TBX20: variants seen among roughly 807,000 people sequenced by gnomAD.
TBX20 encodes the protein T-box transcription factor 20.
In TBX20, 8 loss-of-function variants were observed where a neutral mutation model predicts 42.9. That is an observed-to-expected ratio of 0.19 (90% CI 0.11 to 0.34). The LOEUF is 0.34. Among genes scored for constraint, TBX20 ranks in the 10% least tolerant of loss-of-function variants. The pLI is 1.00. For missense variants in TBX20, 411 were observed against 566.0 expected, an observed-to-expected ratio of 0.73 and a Z score of 2.78; for synonymous variants, 198 against 222.8, an observed-to-expected ratio of 0.89 and a Z score of 0.99.
intron 6 of TBX20, among the ~76,000 whole-genome samples, chr7:35,210,845 C>G (rs976674644): frequency 7.9e-5 from 12 of 152,148 alleles, no homozygotes; most frequent in Non-Finnish European, 1.3e-4. Flanking sequence ...TTCAAACTGA[C>G]AATCTCTGCT....
In TBX20 at chr7:35,242,679, C is replaced by G. The variant is rs1377426498; in HGVS notation, c.655-1642G>C. On this transcript the variant is annotated intron_variant, in intron 4 of 7. Transcript: ENST00000408931. The stretch of plus-strand genomic sequence containing the variant: ...GGTTAATTTCCTTTGGGAAAGGTTA[C>G]TGGACAGACTCAGACCCCAGACTGA... 3.3e-5 allele frequency among the ~76,000 whole-genome samples: 5 copies of G among 152,156 alleles called. No homozygotes were observed. The East Asian group carries it at 5.8e-4, about 18-fold the overall frequency.
chr7:35,243,933 C>T (rs905939124), intron 4 of TBX20, among the ~76,000 whole-genome samples: 2 of 152,142 alleles, frequency 1.3e-5, no homozygotes, highest in African/African-American at 4.8e-5. Context: ...AGGTTTAATC[C>T]AACCATATGA....
At chr7:35,239,265 C>T (rs1790028348) in intron 5 of TBX20, among the ~76,000 whole-genome samples, 1 of 152,150 alleles carries the variant, frequency 6.6e-6, no homozygotes, top group African/African-American at 2.4e-5. Flanking sequence ...CCGAGGGTCT[C>T]CACACCACCT....
Position 35,253,656 on chromosome 7 carries a change from C to T in TBX20, c.-36G>A, listed in dbSNP as rs779039110. The T allele has an allele frequency of 1.0e-5, 16 of 1,601,644 alleles. No individual in the cohort carries two copies. The highest frequency in any genetic ancestry group is 1.7e-5 in the Admixed American group (1 of 59,142). On this transcript the variant is annotated 5_prime_UTR_variant, in exon 1 of 8. Coordinates refer to ENST00000408931, the MANE Select transcript of TBX20 (RefSeq NM_001077653.2). Reference sequence around the variant, plus strand: ...ACGCGGTCCTGGCCAGGGACGGGGTCGTCCGAACTGCCGTCCAGATTCCCC... The same window carrying T: ...ACGCGGTCCTGGCCAGGGACGGGGTTGTCCGAACTGCCGTCCAGATTCCCC...
intron 1 of TBX20, among the ~76,000 whole-genome samples, chr7:35,250,670 G>A (rs1326135331): frequency 6.6e-6 from 1 of 152,174 alleles, no homozygotes; most frequent in East Asian, 1.9e-4. Flanking sequence ...CACCTGGAGA[G>A]GAACTTTCCT....
At position 35,249,829 on chromosome 7, in the gene TBX20, G is replaced by T; in HGVS notation, c.380+122C>A. The T allele has an allele frequency of 8.8e-7, 1 of 1,141,918 alleles. No individual in the cohort carries two copies. The highest frequency in any genetic ancestry group is 1.2e-6 in the Non-Finnish European group (1 of 808,370). The allele number at this position is 1,141,918 out of a possible 1,614,324, so 70.7% of individuals were successfully genotyped here. A position where few individuals can be genotyped will look rare whatever the true frequency, so the allele number is the denominator to read the frequency against. On this transcript the variant is annotated intron_variant, in intron 2 of 7. Coordinates refer to ENST00000408931, the MANE Select transcript of TBX20 (RefSeq NM_001077653.2). This position sits in a 1 kb window ranked among gnomAD's most constrained non-coding sequence, Gnocchi z 4.3. Reference sequence around the variant, plus strand: ...GCTGGTGGAAAGCAGCTGCCCTGGAGCCAAGCTGTCTCTCCGCTCCATGAC... The same window carrying T: ...GCTGGTGGAAAGCAGCTGCCCTGGATCCAAGCTGTCTCTCCGCTCCATGAC...
At chr7:35,240,010 G>A (rs796517328) in intron 5 of TBX20, among the ~76,000 whole-genome samples, 6 of 151,908 alleles carry the variant, frequency 3.9e-5, no homozygotes, top group South Asian at 2.1e-4. Context: ...CTGGCCTCCC[G>A]AAGTGCTGGG....
intron 6 of TBX20, among the ~76,000 whole-genome samples, chr7:35,228,088 A>G (rs1279182183): frequency 2.3e-5 from 2 of 88,426 alleles, no homozygotes; most frequent in Non-Finnish European, 4.5e-5. Flanking sequence ...TAAAAATAAT[A>G]CTATGATAAA....
chr7:35,225,620 A>T (rs1374404006), intron 6 of TBX20, among the ~76,000 whole-genome samples: 1 of 152,220 alleles, frequency 6.6e-6, no homozygotes, highest in East Asian at 1.9e-4. Flanking sequence ...AACACAGGAG[A>T]TTTCAGAAAG....
At chr7:35,245,349 T>TGTGTGTGTG (rs1554287409) in intron 3 of TBX20, among the ~76,000 whole-genome samples, 3 of 151,400 alleles carry the variant, frequency 2.0e-5, no homozygotes, top group African/African-American at 7.3e-5. Context: ...TGTGTGTGTG[T>TGTGTGTGTG]TTTCATCTAT....
intron 3 of TBX20, 42 bp downstream of exon 3, chr7:35,248,635 T>A: frequency 6.2e-7 from 1 of 1,603,760 alleles, no homozygotes; most frequent in South Asian, 1.1e-5. Flanking sequence ...TTCTGACAGA[T>A]GCACTAACAG....
rs902528203 is a variant in TBX20, at chr7:35,253,886, C to T, written c.-266G>A. 9 of 472,998 alleles carry T rather than the reference C, an allele frequency of 1.9e-5. No individual in the cohort carries two copies. Among genetic ancestry groups the T allele is most frequent in the African/African-American group, 1.8e-4 (9 of 50,958 alleles). 29.3% of individuals were successfully genotyped at this position (472,998 alleles called of 1,614,324 possible). A position where few individuals can be genotyped will look rare whatever the true frequency, so the allele number is the denominator to read the frequency against. Reference sequence around the variant, plus strand: ...AGCACTACGGCGGGTGCGCACGCCCCGGGGCGCTCGGCAGGACGACAGTCT... The same window carrying T: ...AGCACTACGGCGGGTGCGCACGCCCTGGGGCGCTCGGCAGGACGACAGTCT... On this transcript the variant is annotated 5_prime_UTR_variant, in exon 1 of 8. Coordinates refer to ENST00000408931, the MANE Select transcript of TBX20 (RefSeq NM_001077653.2).
At chr7:35,237,975 G>C (rs1368587022) in intron 5 of TBX20, among the ~76,000 whole-genome samples, 1 of 152,078 alleles carries the variant, frequency 6.6e-6, no homozygotes, top group Non-Finnish European at 1.5e-5. Flanking sequence ...GGGAACAGCA[G>C]GCACTCACAG....
At chr7:35,237,814 GATC>G (rs1163591741) in intron 5 of TBX20, among the ~76,000 whole-genome samples, 2 of 151,990 alleles carry the variant, frequency 1.3e-5, no homozygotes, top group Non-Finnish European at 2.9e-5. Flanking sequence ...TGTTAAGGAT[GATC>G]ATCATCGTGT....
At chr7:35,231,724 T>C in intron 5 of TBX20, 144 bp from the exon 6 acceptor site, 1 of 683,984 alleles carries the variant, frequency 1.5e-6, no homozygotes, top group Admixed American at 2.1e-5. Context: ...GCTACACATG[T>C]TCACAAGAGG....
chr7:35,244,831 A>G (rs2128715224), intron 4 of TBX20, 118 bp downstream of exon 4: 1 of 736,088 alleles, frequency 1.4e-6, no homozygotes, highest in Middle Eastern at 2.8e-4. Context: ...AAAATGACTC[A>G]GAGATAGAAG....
At chr7:35,241,454 TAA>T (rs1416635296) in intron 4 of TBX20, among the ~76,000 whole-genome samples, 1 of 151,846 alleles carries the variant, frequency 6.6e-6, no homozygotes, top group Non-Finnish European at 1.5e-5. Flanking sequence ...GAGAAAAAAA[TAA>T]AAGAGTTTAG....
chr7:35,224,059 A>G (rs1789728633), intron 6 of TBX20, among the ~76,000 whole-genome samples: 2 of 152,218 alleles, frequency 1.3e-5, no homozygotes, highest in Non-Finnish European at 1.5e-5. Flanking sequence ...ACATTAACAT[A>G]TATTTGACCA....
chr7:35,217,459 A>G (rs1000578403), intron 6 of TBX20, among the ~76,000 whole-genome samples: 1 of 152,208 alleles, frequency 6.6e-6, no homozygotes, highest in African/African-American at 2.4e-5. Context: ...ACCGTAAGTT[A>G]ATTGTGAATA....
Sources: allele counts gnomAD v4.1 joint callset (sites outside exome capture counted in the v4.1 genomes callset), GRCh38; gene constraint gnomAD v4.1.1; non-coding constraint Gnocchi (gnomAD v3.1); transcripts MANE v1.5; gene names NCBI Gene and HGNC (gene_info 2026-07-23, HGNC 2026-07-21).